Variants in PKHD1 observed in about 807,000 individuals in gnomAD.
PKHD1 encodes PKHD1 ciliary IPT domain containing fibrocystin/polyductin, also known as fibrocystin.
In PKHD1, 291 loss-of-function variants were observed where a neutral mutation model predicts 412.0. The observed-to-expected ratio is 0.71, with a 90% CI of 0.64 to 0.78. The LOEUF is 0.78. Ranked by LOEUF, PKHD1 falls within the 30% of genes least tolerant of loss-of-function variation. PKHD1 has a pLI of 0.00. For synonymous variants in PKHD1, 1,777 were observed against 1,821.5 expected (o/e 0.98, Z 0.62); for missense variants, 4,825 against 4,950.7 (o/e 0.97, Z 0.76).
intron 60 of PKHD1, among the ~76,000 whole-genome samples, chr6:51,726,792 C>T (rs1782628203): frequency 6.6e-6 from 1 of 152,178 alleles, no homozygotes; most frequent in South Asian, 2.1e-4. Context: ...TCAACTAAGA[C>T]TAAGGTCTTA....
intron 65 of PKHD1, among the ~76,000 whole-genome samples, chr6:51,627,813 C>A (rs1316271106): frequency 6.6e-6 from 1 of 152,070 alleles, no homozygotes; most frequent in Non-Finnish European, 1.5e-5. Flanking sequence ...CTATTCCTGG[C>A]TGAAGAGATA....
chr6:51,836,284 A>G (rs1169290804), intron 51 of PKHD1, 120 bp downstream of exon 51: 2 of 749,340 alleles, frequency 2.7e-6, no homozygotes, highest in Non-Finnish European at 4.9e-6. Flanking sequence ...GTTATCAGAC[A>G]TATAAGCTTT....
chr6:52,066,095 A>T lies in PKHD1; in HGVS notation c.779-18T>A. On this transcript the variant is annotated intron_variant, in intron 11 of 66. Transcript: ENST00000371117. ...TAATATTTCTGCAAGAGTTAAAAAA[A>T]AAAAAAAGTAAGCTTCCAAATATAG... 8.2e-7 allele frequency: 1 copy of T among 1,224,372 alleles called. No individual in the cohort carries two copies. The highest frequency in any genetic ancestry group is 1.2e-6 in the Non-Finnish European group (1 of 828,642). 75.8% of individuals were successfully genotyped at this position (1,224,372 alleles called of 1,614,324 possible).
At position 51,701,216 on chromosome 6, in the gene PKHD1, C is replaced by T. The variant is rs754301159; in HGVS notation, c.10157-41247G>A. ...CTATATAGTTTCCTAATTTTGAGAT[C>T]TTTTTAAAAAAATTTTCATGGTGAG... is the stretch of plus-strand genomic sequence containing the variant. On this transcript the variant is annotated intron_variant, in intron 60 of 66. Coordinates refer to ENST00000371117, the MANE Select transcript of PKHD1 (RefSeq NM_138694.4). 2.3e-4 allele frequency among the ~76,000 whole-genome samples: 35 copies of T among 152,158 alleles called. No homozygotes were observed. In the Middle Eastern group the frequency reaches 0.031, roughly 133 times the overall value.
At chr6:52,080,940 C>T (rs1811941708) in intron 4 of PKHD1, among the ~76,000 whole-genome samples, 2 of 152,066 alleles carry the variant, frequency 1.3e-5, no homozygotes, top group South Asian at 4.1e-4. Context: ...TTTGTGTTCA[C>T]ATTATATTTT....
intron 48 of PKHD1, among the ~76,000 whole-genome samples, chr6:51,860,398 A>T (rs1773996055): frequency 6.6e-6 from 1 of 152,200 alleles, no homozygotes; most frequent in Admixed American, 6.5e-5. Context: ...GAGTCCAAAA[A>T]ACACCATGAA....
At chr6:52,010,047 G>A (rs1799606107) in intron 35 of PKHD1, among the ~76,000 whole-genome samples, 1 of 151,894 alleles carries the variant, frequency 6.6e-6, no homozygotes, top group South Asian at 2.1e-4. Context: ...CAGAAATCAG[G>A]ACAAAATGCC....
At chr6:51,841,474 C>CA (rs754705199) in intron 50 of PKHD1, among the ~76,000 whole-genome samples, 3 of 152,092 alleles carry the variant, frequency 2.0e-5, no homozygotes, top group Non-Finnish European at 4.4e-5. Context: ...AACCAAGAGG[C>CA]AAAATCCCTT....
chr6:51,904,089 G>A (rs775311576), intron 41 of PKHD1, 47 bp from the exon 42 acceptor site: 4 of 1,267,278 alleles, frequency 3.2e-6, no homozygotes, highest in Non-Finnish European at 4.6e-6. Context: ...ATGTCACTTA[G>A]GAAAACAAGA....
chr6:51,813,767 T>C (rs1562370685), intron 52 of PKHD1, among the ~76,000 whole-genome samples: 5 of 152,110 alleles, frequency 3.3e-5, no homozygotes, highest in Admixed American at 6.5e-5. Flanking sequence ...CTTATAAGAA[T>C]TGTGGTTAAA....
chr6:52,026,147 G>A lies in PKHD1; in HGVS notation c.3663C>T (p.Phe1221=), dbSNP rs1306715504. The A allele has an allele frequency of 6.2e-7, 1 of 1,614,138 alleles. No homozygotes were observed. Among genetic ancestry groups the A allele is most frequent in the South Asian group, 1.1e-5 (1 of 91,086 alleles). The stretch of plus-strand genomic sequence containing the variant: ...CCCAAACCAAAGCTGGGTCCCTGCT[G>A]AAGCCTATTCCTGAGATGCTGAGGA... ...GTILSISGIG[F]SRDPALVWVL... The change falls in exon 32 of 67, where the codon TTC becomes TTT. Residue 1221 remains phenylalanine, a synonymous_variant. Coordinates refer to ENST00000371117, the MANE Select transcript of PKHD1 (RefSeq NM_138694.4).
chr6:51,682,542 G>A (rs1231904098), intron 60 of PKHD1, among the ~76,000 whole-genome samples: 1 of 152,048 alleles, frequency 6.6e-6, no homozygotes, highest in African/African-American at 2.4e-5. Flanking sequence ...TTTGGGCTTT[G>A]CTTTAATATG....
chr6:51,839,447 A>T (rs1486997206), intron 50 of PKHD1, among the ~76,000 whole-genome samples: 1 of 152,198 alleles, frequency 6.6e-6, no homozygotes, highest in African/African-American at 2.4e-5. Flanking sequence ...ACTTTTTCTG[A>T]CGAGTGCTAT....
chr6:51,642,839 CA>C (rs557161007), intron 63 of PKHD1, among the ~76,000 whole-genome samples: 1 of 150,444 alleles, frequency 6.6e-6, no homozygotes, highest in Non-Finnish European at 1.5e-5. Context: ...GGCTCTGCCT[CA>C]AAAAAAAGTA....
At chr6:51,631,788 A>G (rs917484563) in intron 65 of PKHD1, among the ~76,000 whole-genome samples, 6 of 152,120 alleles carry the variant, frequency 3.9e-5, no homozygotes, top group African/African-American at 1.4e-4. Flanking sequence ...GCTTTAAAAA[A>G]TTAAAAAATG....
intron 53 of PKHD1, among the ~76,000 whole-genome samples, chr6:51,777,270 A>C (rs1791181689): frequency 6.6e-6 from 1 of 152,134 alleles, no homozygotes; most frequent in African/African-American, 2.4e-5. Context: ...GGATAGCCAA[A>C]AGGCACAAGG....
At chr6:51,699,528 T>C (rs1426340623) in intron 60 of PKHD1, among the ~76,000 whole-genome samples, 1 of 152,212 alleles carries the variant, frequency 6.6e-6, no homozygotes, top group Non-Finnish European at 1.5e-5. Context: ...ACTATGAATG[T>C]TCATTCTTCT....
intron 32 of PKHD1, among the ~76,000 whole-genome samples, chr6:52,023,256 T>C (rs1293957003): frequency 6.6e-6 from 1 of 152,130 alleles, no homozygotes; most frequent in Non-Finnish European, 1.5e-5. Context: ...AAAATGAAAA[T>C]AAAAATTCCC....
intron 34 of PKHD1, among the ~76,000 whole-genome samples, chr6:52,016,966 C>T (rs1455290410): frequency 6.6e-6 from 1 of 152,170 alleles, no homozygotes; most frequent in Non-Finnish European, 1.5e-5. Flanking sequence ...CCTATGCAAC[C>T]CTCCTTCTTT....
Sources: gnomAD v4.1 joint callset for allele counts (sites outside exome capture counted in the v4.1 genomes callset) on GRCh38, gnomAD v4.1.1 for gene constraint, MANE v1.5 for transcripts, NCBI Gene and HGNC (gene_info 2026-07-23, HGNC 2026-07-21) for gene names.